CDKAL1: variants seen among roughly 807,000 people sequenced by gnomAD.
The protein encoded by CDKAL1 is CDKAL1 threonylcarbamoyladenosine tRNA methylthiotransferase.
Under a neutral mutation model 68.2 loss-of-function variants are expected in CDKAL1, and 32 were observed. The ratio of observed to expected loss-of-function variants is 0.47; its 90% confidence interval spans 0.35 to 0.63. CDKAL1 has a LOEUF of 0.63. Among genes scored for constraint, CDKAL1 ranks in the 30% least tolerant of loss-of-function variants. The probability of loss-of-function intolerance (pLI) is 0.00; values close to 1 mark genes in which losing one functional copy is unlikely to be tolerated. For missense variants in CDKAL1, 606 were observed against 696.7 expected, an observed-to-expected ratio of 0.87 and a Z score of 1.47; for synonymous variants, 234 against 244.3, an observed-to-expected ratio of 0.96 and a Z score of 0.39.
intron 4 of CDKAL1, among the ~76,000 whole-genome samples, chr6:20,635,361 C>A (rs1283568468): frequency 6.6e-6 from 1 of 152,236 alleles, no homozygotes; most frequent in Non-Finnish European, 1.5e-5. Context: ...CTTTGTAGTC[C>A]CTGGTCCCAA....
At chr6:20,902,302 G>A (rs1479732367) in intron 9 of CDKAL1, among the ~76,000 whole-genome samples, 1 of 142,942 alleles carries the variant, frequency 7.0e-6, no homozygotes, top group South Asian at 2.3e-4. Context: ...AAGAAATCAC[G>A]TGGTGGATTC....
intron 11 of CDKAL1, among the ~76,000 whole-genome samples, chr6:21,061,911 G>A (rs1208764336): frequency 6.6e-6 from 1 of 152,140 alleles, no homozygotes; most frequent in African/African-American, 2.4e-5. Flanking sequence ...ATATTGACTA[G>A]TATAAGTTGC....
At chr6:20,897,585 T>C (rs1189080772) in intron 9 of CDKAL1, among the ~76,000 whole-genome samples, 2 of 152,162 alleles carry the variant, frequency 1.3e-5, no homozygotes, top group African/African-American at 4.8e-5. Context: ...TTTGTATCTT[T>C]TTTCCACCAA....
At chr6:20,536,581 C>G (rs1232719528) in intron 2 of CDKAL1, among the ~76,000 whole-genome samples, 1 of 151,962 alleles carries the variant, frequency 6.6e-6, no homozygotes, top group South Asian at 2.1e-4. Context: ...AAGAATAATT[C>G]TGGGACAGTG....
intron 8 of CDKAL1, among the ~76,000 whole-genome samples, chr6:20,822,464 G>A (rs1777325212): frequency 6.6e-6 from 1 of 152,012 alleles, no homozygotes; most frequent in Admixed American, 6.6e-5. Flanking sequence ...TCCAGACCTC[G>A]CGATACTTCT....
At chr6:21,174,306 A>G (rs1777499173) in intron 13 of CDKAL1, among the ~76,000 whole-genome samples, 1 of 152,234 alleles carries the variant, frequency 6.6e-6, no homozygotes, top group Non-Finnish European at 1.5e-5. Flanking sequence ...TGATAGTATC[A>G]ACTGTCCCTA....
At chr6:20,854,370 CTT>C (rs1394618160) in intron 9 of CDKAL1, among the ~76,000 whole-genome samples, 4 of 152,194 alleles carry the variant, frequency 2.6e-5, no homozygotes, top group Non-Finnish European at 5.9e-5. Context: ...AATGGTGACT[CTT>C]TAACTAAGGT....
chr6:21,092,943 T>A (rs116407261), intron 12 of CDKAL1, among the ~76,000 whole-genome samples: 174 of 144,682 alleles, frequency 1.2e-3, no homozygotes, highest in African/African-American at 3.8e-3. Context: ...AAAAAAAAAA[T>A]AAGATGAAAA....
chr6:20,808,819 T>C (rs1776678037), intron 8 of CDKAL1, among the ~76,000 whole-genome samples: 1 of 152,186 alleles, frequency 6.6e-6, no homozygotes, highest in Non-Finnish European at 1.5e-5. Context: ...TCTACTGTGT[T>C]TTCTATTTTG....
At chr6:21,112,878 A>G (rs552531724) in intron 13 of CDKAL1, among the ~76,000 whole-genome samples, 1 of 152,252 alleles carries the variant, frequency 6.6e-6, no homozygotes, top group African/African-American at 2.4e-5. Context: ...CTCCTCACCC[A>G]CCTCATTACT....
At chr6:20,748,535 A>G in intron 6 of CDKAL1, among the ~76,000 whole-genome samples, 1 of 120,020 alleles carries the variant, frequency 8.3e-6, no homozygotes, top group Non-Finnish European at 1.6e-5. Context: ...CTTGGGAAAG[A>G]GAGCAAGACT....
intron 9 of CDKAL1, among the ~76,000 whole-genome samples, chr6:20,852,941 T>C (rs1434810639): frequency 6.6e-6 from 1 of 152,220 alleles, no homozygotes; most frequent in African/African-American, 2.4e-5. Context: ...CCAGGAGTGG[T>C]GAAGGTTTCC....
At chr6:20,908,491 G>C (rs1193269736) in intron 9 of CDKAL1, among the ~76,000 whole-genome samples, 1 of 152,098 alleles carries the variant, frequency 6.6e-6, no homozygotes, top group Non-Finnish European at 1.5e-5. Flanking sequence ...GGTACACTGG[G>C]CTAGACATCA....
intron 13 of CDKAL1, among the ~76,000 whole-genome samples, chr6:21,191,992 C>CTTTTTTT (rs145894251): frequency 0.032 from 1,095 of 34,584 alleles, 365 homozygotes; most frequent in Non-Finnish European, 0.043. Flanking sequence ...ATTCATTTTT[C>CTTTTTTT]TTTTTTTTTT....
intron 9 of CDKAL1, among the ~76,000 whole-genome samples, chr6:20,931,127 G>A (rs1763432709): frequency 6.6e-6 from 1 of 152,200 alleles, no homozygotes. Flanking sequence ...GTAAACAGTA[G>A]AACCAGAATT....
intron 4 of CDKAL1, among the ~76,000 whole-genome samples, chr6:20,630,856 G>C (rs192216055): frequency 2.6e-5 from 4 of 152,234 alleles, no homozygotes; most frequent in Admixed American, 2.6e-4. Flanking sequence ...ATAAGATGGG[G>C]GTTATAAATA....
At chr6:20,875,307 A>C (rs1423542674) in intron 9 of CDKAL1, among the ~76,000 whole-genome samples, 1 of 4,010 alleles carries the variant, frequency 2.5e-4, no homozygotes. Flanking sequence ...CTCCGTCTCA[A>C]AAAAAAAAAA....
At chr6:20,792,615 AT>A (rs1478157475) in intron 8 of CDKAL1, among the ~76,000 whole-genome samples, 1 of 152,184 alleles carries the variant, frequency 6.6e-6, no homozygotes, top group Non-Finnish European at 1.5e-5. Flanking sequence ...TGAGAACAAG[AT>A]ATGCAAGTAT....
At chr6:21,226,687 T>G (rs1418530931) in intron 15 of CDKAL1, among the ~76,000 whole-genome samples, 1 of 151,276 alleles carries the variant, frequency 6.6e-6, no homozygotes, top group African/African-American at 2.4e-5. Context: ...TTCCAGCTTG[T>G]TTTTTTTGTT....
Sources: allele counts gnomAD v4.1 joint callset (sites outside exome capture counted in the v4.1 genomes callset), GRCh38; gene constraint gnomAD v4.1.1; transcripts MANE v1.5; gene names NCBI Gene and HGNC (gene_info 2026-07-23, HGNC 2026-07-21).